The following ANKFN1 variants were observed in gnomAD, a reference collection of about 807,000 sequenced individuals.
ANKFN1 encodes ankyrin repeat and fibronectin type-III domain-containing protein 1.
ANKFN1 carries 74 observed loss-of-function variants against 108.7 expected under a neutral mutation model. That is an observed-to-expected ratio of 0.68 (90% CI 0.56 to 0.83). The LOEUF (loss-of-function observed/expected upper bound fraction) is 0.83, where lower values mean the gene tolerates loss of function less well. ANKFN1 is among the 40% of genes least tolerant of loss of function. The probability of loss-of-function intolerance (pLI) is 0.00; values close to 1 mark genes in which losing one functional copy is unlikely to be tolerated. For synonymous variants in ANKFN1, 547 were observed against 516.2 expected (o/e 1.06, Z -0.81); for missense variants, 1,505 against 1,382.3 (o/e 1.09, Z -1.41).
At chr17:56,347,057 T>G (rs188046193) in intron 4 of ANKFN1, among the ~76,000 whole-genome samples, 1 of 151,624 alleles carries the variant, frequency 6.6e-6, no homozygotes, top group East Asian at 1.9e-4. Flanking sequence ...ATTTATTATG[T>G]TTTTTTATTT....
intron 8 of ANKFN1, among the ~76,000 whole-genome samples, chr17:56,375,418 G>A (rs984086316): frequency 1.3e-5 from 2 of 152,210 alleles, no homozygotes; most frequent in African/African-American, 4.8e-5. Flanking sequence ...AGGGTCGTGA[G>A]AAGGTACAGT....
Position 56,335,787 on chromosome 17 carries a change from T to C in ANKFN1, c.188+9432T>C, listed in dbSNP as rs181426333. Among the ~76,000 whole-genome samples the C allele has an allele frequency of 2.0e-5, 3 of 151,966 alleles. No homozygotes were observed. The East Asian group carries it at 5.8e-4, about 29-fold the overall frequency. On this transcript the variant is annotated intron_variant, in intron 4 of 20. Coordinates refer to ENST00000682825, the MANE Select transcript of ANKFN1 (RefSeq NM_001370326.1). The stretch of plus-strand genomic sequence containing the variant: ...AGTGGTGAGAGAGGGCATCCCTGTC[T>C]TGTGCCAGTTTTCAAAGGGAGGGCT...
At chr17:56,361,427 T>G (rs2046514000) in intron 6 of ANKFN1, among the ~76,000 whole-genome samples, 1 of 152,044 alleles carries the variant, frequency 6.6e-6, no homozygotes, top group African/African-American at 2.4e-5. Flanking sequence ...AGCTTTTAAA[T>G]TAAACCCTTA....
At chr17:56,435,386 G>A (rs116739272) in intron 8 of ANKFN1, among the ~76,000 whole-genome samples, 330 of 152,304 alleles carry the variant, frequency 2.2e-3, no homozygotes, top group African/African-American at 7.5e-3. Flanking sequence ...AATAAAGCAA[G>A]TACAATGTGT....
At chr17:56,388,802 T>G (rs994960619) in intron 8 of ANKFN1, among the ~76,000 whole-genome samples, 1 of 152,150 alleles carries the variant, frequency 6.6e-6, no homozygotes, top group Non-Finnish European at 1.5e-5. Context: ...TTCCACTACA[T>G]AGTAATAACT....
intron 3 of ANKFN1, among the ~76,000 whole-genome samples, chr17:56,244,982 T>C (rs1042273861): frequency 6.6e-6 from 1 of 152,138 alleles, no homozygotes; most frequent in Non-Finnish European, 1.5e-5. Context: ...CTTTCAATAA[T>C]ATTGAATATA....
chr17:56,086,361 C>T (rs1177881148), intron 4 of ANKFN1, among the ~76,000 whole-genome samples: 1 of 151,352 alleles, frequency 6.6e-6, no homozygotes, highest in African/African-American at 2.4e-5. Flanking sequence ...GCCAAGATCA[C>T]ACCATTGCAC....
At chr17:56,309,773 T>G (rs1390809146) in intron 3 of ANKFN1, among the ~76,000 whole-genome samples, 1 of 152,234 alleles carries the variant, frequency 6.6e-6, no homozygotes, top group African/African-American at 2.4e-5. Flanking sequence ...TTAACAACAA[T>G]AACTAATAAT....
chr17:56,297,027 T>C (rs1204653049), intron 3 of ANKFN1, among the ~76,000 whole-genome samples: 2 of 152,336 alleles, frequency 1.3e-5, no homozygotes, highest in East Asian at 3.9e-4. Flanking sequence ...GTAGATTCAT[T>C]GGATCTCTTT....
chr17:56,334,143 A>G (rs1418243808), intron 4 of ANKFN1, among the ~76,000 whole-genome samples: 1 of 152,162 alleles, frequency 6.6e-6, no homozygotes, highest in African/African-American at 2.4e-5. Flanking sequence ...AAACTGAAGG[A>G]CTACTGACAC....
rs547643119 is a variant in ANKFN1 at position 56,204,312 on chromosome 17, C to G, written c.-70-8286C>G. 4.6e-5 allele frequency among the ~76,000 whole-genome samples: 7 copies of G among 151,376 alleles called. No individual in the cohort carries two copies. In the South Asian group the frequency reaches 1.5e-3, roughly 32 times the overall value. ...TCTGCCCGCCTCGGCCTCCCAAGTG[C>G]TGGGATTACAGGCATGAGCCACCAC... is the stretch of plus-strand genomic sequence containing the variant. On this transcript the variant is annotated intron_variant, in intron 1 of 20. Coordinates refer to ENST00000682825, the MANE Select transcript of ANKFN1 (RefSeq NM_001370326.1).
rs772128737 is a variant in ANKFN1, at chr17:56,511,138, G to A, written c.3310G>A (p.Glu1104Lys). ...CGCAGCGGCCGTGGTGGCCCAGGAC[G>A]AAAAACCATGGGCAAGCTTGAGCCC... ...PYAAAVVAQD[E>K]KPWASLSPPS... The change falls in exon 21 of 21, where the codon GAA (glutamate) becomes AAA (lysine). Residue 1104 changes from glutamate (E) to lysine (K), a missense_variant. Transcript: ENST00000682825. The A allele has an allele frequency of 7.8e-6, 12 of 1,535,908 alleles. No individual in the cohort carries two copies. In the South Asian group the frequency reaches 1.1e-4, roughly 14 times the overall value.
chr17:56,336,977 C>T (rs563876105), intron 4 of ANKFN1, among the ~76,000 whole-genome samples: 4 of 152,268 alleles, frequency 2.6e-5, no homozygotes, highest in South Asian at 2.1e-4. Context: ...TCGTTATTTA[C>T]CCAGTAGTCA....
At chr17:56,442,999 G>A in intron 10 of ANKFN1, 66 bp downstream of exon 10, 1 of 1,524,088 alleles carries the variant, frequency 6.6e-7, no homozygotes, top group Non-Finnish European at 9.1e-7. Flanking sequence ...CATCTTCAGG[G>A]TGCCATTGCC....
chr17:56,200,817 G>A, intron 1 of ANKFN1, among the ~76,000 whole-genome samples: 1 of 152,224 alleles, frequency 6.6e-6, no homozygotes, highest in East Asian at 1.9e-4. Flanking sequence ...CTTTGATGAA[G>A]CAGAGGCAAT....
chr17:56,334,754 CA>C (rs2045760178), intron 4 of ANKFN1, among the ~76,000 whole-genome samples: 1 of 152,062 alleles, frequency 6.6e-6, no homozygotes. Flanking sequence ...AGTGTTATAT[CA>C]GAGCCATACT....
Position 56,350,952 on chromosome 17 carries a change from C to A in ANKFN1, c.375C>A (p.Leu125=). 1 of 1,613,584 alleles carries A rather than the reference C, an allele frequency of 6.2e-7. No homozygotes were observed. Among genetic ancestry groups the A allele is most frequent in the Non-Finnish European group, 8.5e-7 (1 of 1,179,782 alleles). The change falls in exon 5 of 21, where the codon CTC becomes CTA. Residue 125 remains leucine, a synonymous_variant. Transcript: ENST00000682825. ...YFRTRTDRLS[L]RKTSVNFQGN... is the part of the protein sequence containing the mutation. The stretch of plus-strand genomic sequence containing the variant: ...GGACAAGAACTGATCGGCTGAGTCT[C>A]AGGAAGACCTCGGTGGTAACAAAAC...
chr17:56,192,007 G>T (rs545449644), intron 1 of ANKFN1, among the ~76,000 whole-genome samples: 1 of 151,558 alleles, frequency 6.6e-6, no homozygotes, highest in Non-Finnish European at 1.5e-5. Context: ...TGATCGCATC[G>T]GCTCCTGAGG....
At chr17:56,052,682 G>T (rs1367169077) in intron 4 of ANKFN1, among the ~76,000 whole-genome samples, 2 of 152,124 alleles carry the variant, frequency 1.3e-5, no homozygotes, top group Non-Finnish European at 2.9e-5. Context: ...CTTGCTGTGT[G>T]TGTTGGCCAT....
Sources: allele counts gnomAD v4.1 joint callset (sites outside exome capture counted in the v4.1 genomes callset), GRCh38; gene constraint gnomAD v4.1.1; transcripts MANE v1.5; gene names NCBI Gene and HGNC (gene_info 2026-07-23, HGNC 2026-07-21).